PDSS2: variants seen among roughly 807,000 people sequenced by gnomAD.
The protein encoded by PDSS2 is decaprenyl diphosphate synthase subunit 2, also known as all trans-polyprenyl-diphosphate synthase PDSS2.
Under a neutral mutation model 44.5 loss-of-function variants are expected in PDSS2, and 31 were observed. The observed-to-expected ratio is 0.70, with a 90% CI of 0.52 to 0.94. The LOEUF (loss-of-function observed/expected upper bound fraction) is 0.94, where lower values mean the gene tolerates loss of function less well. Among genes scored for constraint, PDSS2 ranks in the 40% least tolerant of loss-of-function variants. PDSS2 has a pLI of 0.00. For missense variants in PDSS2, 452 were observed against 482.2 expected, an observed-to-expected ratio of 0.94 and a Z score of 0.59; for synonymous variants, 157 against 180.3, an observed-to-expected ratio of 0.87 and a Z score of 1.03.
At chr6:107,281,377 T>A (rs1294645528) in intron 2 of PDSS2, among the ~76,000 whole-genome samples, 1 of 152,128 alleles carries the variant, frequency 6.6e-6, no homozygotes, top group Non-Finnish European at 1.5e-5. Flanking sequence ...TTTGTTAGAG[T>A]CTTGTTGTAA....
intron 7 of PDSS2, among the ~76,000 whole-genome samples, chr6:107,167,169 C>G (rs1771381398): frequency 6.6e-6 from 1 of 152,094 alleles, no homozygotes; most frequent in Admixed American, 6.6e-5. Flanking sequence ...TGTTATTGGT[C>G]TATTCAGTGA....
chr6:107,346,532 CTTGTCTACAGTTAT>C (rs1778254959), intron 1 of PDSS2, among the ~76,000 whole-genome samples: 1 of 152,174 alleles, frequency 6.6e-6, no homozygotes, highest in Non-Finnish European at 1.5e-5. Context: ...AGCATATTTA[CTTGTCTACAGTTAT>C]ATCTCTGGTG....
At chr6:107,176,167 C>CA (rs1771777324) in intron 7 of PDSS2, among the ~76,000 whole-genome samples, 1 of 151,896 alleles carries the variant, frequency 6.6e-6, no homozygotes, top group African/African-American at 2.4e-5. Context: ...TCAGCCTCCC[C>CA]AGTAGCTGGG....
intron 2 of PDSS2, among the ~76,000 whole-genome samples, chr6:107,276,266 C>G (rs1775781341): frequency 6.6e-6 from 1 of 152,086 alleles, no homozygotes; most frequent in South Asian, 2.1e-4. Context: ...CAGTAGGTGG[C>G]CCAGATATAT....
At chr6:107,431,062 C>T (rs6920068) in intron 1 of PDSS2, among the ~76,000 whole-genome samples, 21,390 of 152,120 alleles carry the variant, frequency 0.14, 1,635 homozygotes, top group East Asian at 0.25. Context: ...ATTCAGTGAG[C>T]CTCACAACAA....
At chr6:107,251,615 A>C (rs565202899) in intron 3 of PDSS2, among the ~76,000 whole-genome samples, 1 of 152,270 alleles carries the variant, frequency 6.6e-6, no homozygotes, top group African/African-American at 2.4e-5. Context: ...AAGGTAAAAC[A>C]CTCTTGGGGA....
chr6:107,451,424 G>A (rs1781862498), intron 1 of PDSS2, among the ~76,000 whole-genome samples: 1 of 152,048 alleles, frequency 6.6e-6, no homozygotes, highest in Non-Finnish European at 1.5e-5. Context: ...CTGTGCCAAA[G>A]GGTGGAAGGC....
chr6:107,297,993 C>T (rs529504949), intron 2 of PDSS2, among the ~76,000 whole-genome samples: 1 of 152,326 alleles, frequency 6.6e-6, no homozygotes, highest in South Asian at 2.1e-4. Context: ...TGATCCTCTG[C>T]CTTGGCCTCC....
intron 3 of PDSS2, among the ~76,000 whole-genome samples, chr6:107,265,749 C>A (rs1229408670): frequency 6.6e-6 from 1 of 152,150 alleles, no homozygotes; most frequent in East Asian, 1.9e-4. Context: ...CAAGACCAGG[C>A]TGCCCAACAT....
chr6:107,418,411 T>C (rs963081239), intron 1 of PDSS2, among the ~76,000 whole-genome samples: 2 of 152,190 alleles, frequency 1.3e-5, no homozygotes, highest in African/African-American at 4.8e-5. Flanking sequence ...TGCAGCCTTA[T>C]TTTAGCCCCA....
At chr6:107,454,990 G>A (rs1781989621) in intron 1 of PDSS2, among the ~76,000 whole-genome samples, 1 of 151,988 alleles carries the variant, frequency 6.6e-6, no homozygotes, top group Non-Finnish European at 1.5e-5. Flanking sequence ...ATGAGTTTAG[G>A]CTGTTTAAAT....
rs937765617 is a variant in PDSS2 at position 107,238,217 on chromosome 6, G to A, written c.702+7331C>T. Among the ~76,000 whole-genome samples the A allele has an allele frequency of 6.6e-5, 10 of 152,300 alleles. No homozygotes were observed. The South Asian group carries it at 2.1e-3, about 32-fold the overall frequency. On this transcript the variant is annotated intron_variant, in intron 4 of 7. Coordinates refer to ENST00000369037, the MANE Select transcript of PDSS2 (RefSeq NM_020381.4). ...CATCTCAACACCAACATGAGTCAGA[G>A]ACACTGCCTTTGCAGAGGACCTTGA...
intron 3 of PDSS2, among the ~76,000 whole-genome samples, chr6:107,252,738 G>A (rs550679217): frequency 2.0e-5 from 3 of 152,254 alleles, no homozygotes; most frequent in South Asian, 4.1e-4. Context: ...AGACCAGCCT[G>A]GGCAATATAG....
intron 3 of PDSS2, among the ~76,000 whole-genome samples, chr6:107,268,684 T>G (rs1005565246): frequency 6.6e-6 from 1 of 152,192 alleles, no homozygotes; most frequent in Non-Finnish European, 1.5e-5. Context: ...TAAAATACAG[T>G]ATTTAAAAAT....
At chr6:107,280,677 T>C (rs9486576) in intron 2 of PDSS2, among the ~76,000 whole-genome samples, 27,641 of 152,064 alleles carry the variant, frequency 0.18, 2,732 homozygotes, top group African/African-American at 0.22. Context: ...ACAGAGACCC[T>C]GTCTCAACAA....
intron 1 of PDSS2, among the ~76,000 whole-genome samples, chr6:107,363,826 A>G (rs1778866134): frequency 6.6e-6 from 1 of 152,174 alleles, no homozygotes; most frequent in Admixed American, 6.5e-5. Flanking sequence ...CGTCCACATC[A>G]GATTAGTTAA....
At chr6:107,185,794 T>C (rs182364674) in intron 7 of PDSS2, among the ~76,000 whole-genome samples, 2 of 152,310 alleles carry the variant, frequency 1.3e-5, no homozygotes, top group African/African-American at 4.8e-5. Flanking sequence ...CTCTTCCCTC[T>C]AGCACTGAGC....
chr6:107,195,600 G>A (rs977139731), intron 6 of PDSS2, among the ~76,000 whole-genome samples: 3 of 135,384 alleles, frequency 2.2e-5, no homozygotes, highest in Admixed American at 8.5e-5. Context: ...TTGCTCTGTC[G>A]TCCAGGCTGG....
At chr6:107,198,794 A>AAACAAC (rs1378965607) in intron 6 of PDSS2, among the ~76,000 whole-genome samples, 1 of 101,330 alleles carries the variant, frequency 9.9e-6, no homozygotes, top group Non-Finnish European at 2.0e-5. Context: ...CTGTCTCTAC[A>AAACAAC]AACAATAACA....
Sources: gnomAD v4.1 joint callset for allele counts (sites outside exome capture counted in the v4.1 genomes callset) on GRCh38, gnomAD v4.1.1 for gene constraint, MANE v1.5 for transcripts, NCBI Gene and HGNC (gene_info 2026-07-23, HGNC 2026-07-21) for gene names.